IQSEC3: variants seen among roughly 807,000 people sequenced by gnomAD.
IQSEC3 encodes IQ motif and Sec7 domain ArfGEF 3.
A neutral mutation model predicts 105.4 loss-of-function variants in IQSEC3; 50 were observed. The ratio of observed to expected loss-of-function variants is 0.47; its 90% CI spans 0.38 to 0.60. IQSEC3 has a LOEUF of 0.60. Among genes scored for constraint, IQSEC3 ranks in the 20% least tolerant of loss-of-function variants. IQSEC3 has a pLI of 0.00. For synonymous variants in IQSEC3, 708 were observed against 746.0 expected (o/e 0.95, Z 0.83); for missense variants, 1,415 against 1,630.0 (o/e 0.87, Z 2.27).
Position 157,714 on chromosome 12 carries a change from GGCAGGA to G in IQSEC3, c.2443+22_2443+27del. 6.2e-7 allele frequency: 1 copy of G among 1,603,448 alleles called. No individual in the cohort carries two copies. The highest frequency in any genetic ancestry group is 8.5e-7 in the Non-Finnish European group (1 of 1,173,662). On this transcript the variant is annotated intron_variant, in intron 7 of 13. Coordinates refer to ENST00000538872, the MANE Select transcript of IQSEC3 (RefSeq NM_001170738.2). ...TTCGAGGTGAGGAGGTGGGCACTGG[GGCAGGA>G]GGGGCAAGGCCACGGCTCAGGCCCC... is the stretch of plus-strand genomic sequence containing the variant.
chr12:112,322 G>T (rs371779521), intron 2 of IQSEC3, among the ~76,000 whole-genome samples: 1 of 151,994 alleles, frequency 6.6e-6, no homozygotes, highest in Non-Finnish European at 1.5e-5. Flanking sequence ...GTGGGGAAGT[G>T]GGGGAGGCCG....
At chr12:162,708 G>C (rs964949994) in intron 8 of IQSEC3, among the ~76,000 whole-genome samples, 11 of 152,176 alleles carry the variant, frequency 7.2e-5, no homozygotes, top group African/African-American at 2.7e-4. Flanking sequence ...TCTGCTTTGA[G>C]AGCCTTTATT....
chr12:114,683 G>T (rs1864996678), intron 2 of IQSEC3, among the ~76,000 whole-genome samples: 1 of 152,226 alleles, frequency 6.6e-6, no homozygotes, highest in South Asian at 2.1e-4. Context: ...GTGAAGACTG[G>T]GATGGGATTA....
chr12:111,296 T>C (rs915682327), intron 2 of IQSEC3, among the ~76,000 whole-genome samples: 5 of 152,176 alleles, frequency 3.3e-5, no homozygotes, highest in African/African-American at 1.2e-4. Context: ...AGACCAAAGG[T>C]TGACGAATGG....
rs1938818250 is a variant in IQSEC3, at chr12:168,915, C to T, written c.2972-98C>T. ...CACAGCATGTACTGGGACCTCTCCT[C>T]CTCTTCCTCCCCTTTCTGCTGGCCC... On this transcript the variant is annotated intron_variant, in intron 11 of 13. Transcript: ENST00000538872. 4 of 1,006,762 alleles carry T rather than the reference C, an allele frequency of 4.0e-6. No homozygotes were observed. In the South Asian group the frequency reaches 5.4e-5, roughly 14 times the overall value. The allele number at this position is 1,006,762 out of a possible 1,614,324, so 62.4% of individuals were successfully genotyped here.
chr12:73,725 AG>A (rs1337157720), intron 1 of IQSEC3, among the ~76,000 whole-genome samples: 3 of 152,182 alleles, frequency 2.0e-5, no homozygotes, highest in Non-Finnish European at 4.4e-5. Context: ...GAAAGATAAA[AG>A]GTTCACCTGT....
At chr12:76,076 G>A (rs1555068963) in intron 1 of IQSEC3, among the ~76,000 whole-genome samples, 2 of 148,424 alleles carry the variant, frequency 1.3e-5, no homozygotes, top group Middle Eastern at 3.4e-3. Context: ...TCTCTGCAGT[G>A]AGAGTTTCAT....
intron 5 of IQSEC3, chr12:141,852 A>AAG (rs1355453031): frequency 3.3e-5 from 5 of 152,490 alleles, no homozygotes; most frequent in African/African-American, 9.6e-5. Context: ...AATGGTTTTA[A>AAG]AGTCCAGTAG....
At chr12:101,470 G>A (rs971504695) in intron 2 of IQSEC3, among the ~76,000 whole-genome samples, 4 of 152,176 alleles carry the variant, frequency 2.6e-5, no homozygotes, top group Non-Finnish European at 5.9e-5. Context: ...GGGCTTTGAG[G>A]TTGGGGACAG....
intron 8 of IQSEC3, among the ~76,000 whole-genome samples, chr12:162,580 G>A (rs544742078): frequency 6.6e-6 from 1 of 152,284 alleles, no homozygotes; most frequent in Admixed American, 6.5e-5. Context: ...ATGTCATGGG[G>A]GTTCCAGTTC....
intron 1 of IQSEC3, among the ~76,000 whole-genome samples, chr12:73,719 G>C (rs1863416807): frequency 6.6e-6 from 1 of 151,880 alleles, no homozygotes; most frequent in African/African-American, 2.4e-5. Flanking sequence ...GCCCAAGAAA[G>C]ATAAAAGGTT....
At chr12:91,085 G>A (rs143340476) in intron 1 of IQSEC3, among the ~76,000 whole-genome samples, 306 of 152,178 alleles carry the variant, frequency 2.0e-3, no homozygotes, top group African/African-American at 7.1e-3. Flanking sequence ...TGAAGGCTGG[G>A]GATTCAGTCT....
rs2137077212 is a variant in IQSEC3, at chr12:174,788, C to G, written c.3304C>G (p.Leu1102Val). 6.3e-7 allele frequency: 1 copy of G among 1,588,262 alleles called. No homozygotes were observed. The highest frequency in any genetic ancestry group is 2.2e-5 in the East Asian group (1 of 44,504). Residue 1102 changes from leucine to valine, a missense_variant, in exon 14 of 14, where the codon CTG becomes GTG. Physicochemically the swap from Leu to Val is conservative, Grantham distance 32. Transcript: ENST00000538872. ...QCQQIVKVIVLDKPCLARMEP... is the reference protein window; with the variant it reads ...QCQQIVKVIVVDKPCLARMEP... ...CCAGCAAATTGTCAAGGTCATTGTCCTGGACAAGCCCTGCCTGGCCCGCAT... is the reference window on the plus strand; with the variant it reads ...CCAGCAAATTGTCAAGGTCATTGTCGTGGACAAGCCCTGCCTGGCCCGCAT...
At chr12:145,591 G>A (rs1350150799) in intron 5 of IQSEC3, among the ~76,000 whole-genome samples, 1 of 152,194 alleles carries the variant, frequency 6.6e-6, no homozygotes, top group African/African-American at 2.4e-5. Context: ...GGCTTTGCTG[G>A]GAAGGGGGTC....
chr12:119,909 G>A (rs782303312), intron 2 of IQSEC3, among the ~76,000 whole-genome samples: 46 of 152,200 alleles, frequency 3.0e-4, no homozygotes, highest in African/African-American at 1.4e-4. Flanking sequence ...GCAGCTGAGC[G>A]AGAAGTCCTC....
chr12:133,807 A>G (rs1487843519), intron 3 of IQSEC3, among the ~76,000 whole-genome samples: 2 of 146,596 alleles, frequency 1.4e-5, no homozygotes, highest in Admixed American at 6.9e-5. Context: ...AGCATCTGGC[A>G]TTTGCTCCTG....
At chr12:140,783 TGGG>T (rs1332950442) in intron 4 of IQSEC3, 2 of 249,596 alleles carry the variant, frequency 8.0e-6, no homozygotes, top group Non-Finnish European at 1.5e-5. Flanking sequence ...TCTCCAGGGT[TGGG>T]GCGTCTGCGG....
chr12:151,814 T>C (rs1427147429), intron 5 of IQSEC3, among the ~76,000 whole-genome samples: 1 of 152,104 alleles, frequency 6.6e-6, no homozygotes, highest in Non-Finnish European at 1.5e-5. Flanking sequence ...AGCCTTTGCA[T>C]ATGCTTCCTC....
intron 2 of IQSEC3, among the ~76,000 whole-genome samples, chr12:116,476 C>T (rs971196545): frequency 5.9e-5 from 9 of 152,218 alleles, no homozygotes; most frequent in South Asian, 2.1e-4. Flanking sequence ...GATGGTCACC[C>T]GTGGTCCCTT....
Sources: gnomAD v4.1 joint callset for allele counts (sites outside exome capture counted in the v4.1 genomes callset) on GRCh38, gnomAD v4.1.1 for gene constraint, MANE v1.5 for transcripts, NCBI Gene and HGNC (gene_info 2026-07-23, HGNC 2026-07-21) for gene names.